IQCK: variants seen among roughly 807,000 people sequenced by gnomAD.
The protein encoded by IQCK is IQ motif containing K, also known as IQ domain-containing protein K.
IQCK carries 29 observed loss-of-function variants against 28.1 expected under a neutral mutation model. That is an observed-to-expected ratio of 1.03 (90% CI 0.77 to 1.41). IQCK has a LOEUF of 1.41. Ranked by LOEUF, IQCK falls within the 40% of genes most tolerant of loss-of-function variation. IQCK has a pLI of 0.00. For synonymous variants in IQCK, 113 were observed against 115.1 expected (o/e 0.98, Z 0.12); for missense variants, 359 against 314.7 (o/e 1.14, Z -1.07).
chr16:19,853,838 G>C (rs1597616163), intron 9 of IQCK, among the ~76,000 whole-genome samples: 1 of 152,200 alleles, frequency 6.6e-6, no homozygotes, highest in East Asian at 1.9e-4. Context: ...ATGTTGGCCA[G>C]GCTGGTCTCG....
intron 4 of IQCK, among the ~76,000 whole-genome samples, chr16:19,738,087 C>A (rs1358313211): frequency 2.6e-5 from 4 of 152,124 alleles, no homozygotes; most frequent in Non-Finnish European, 5.9e-5. Context: ...TGTCTGTCTC[C>A]CCCTGTATTT....
At chr16:19,798,510 T>A (rs2055718600) in intron 7 of IQCK, among the ~76,000 whole-genome samples, 1 of 92,194 alleles carries the variant, frequency 1.1e-5, no homozygotes, top group Non-Finnish European at 1.7e-5. Context: ...GCAGACTTTT[T>A]ATTACTGGCA....
chr16:19,750,697 A>G (rs1597518178), intron 4 of IQCK, among the ~76,000 whole-genome samples: 1 of 151,974 alleles, frequency 6.6e-6, no homozygotes, highest in Non-Finnish European at 1.5e-5. Context: ...CCTGACCTCA[A>G]GTGATCCATC....
At chr16:19,842,561 C>A (rs1433864305) in intron 9 of IQCK, among the ~76,000 whole-genome samples, 4 of 152,128 alleles carry the variant, frequency 2.6e-5, no homozygotes, top group Non-Finnish European at 4.4e-5. Context: ...AAATCCTTTT[C>A]AAAAATAAAT....
In IQCK at chr16:19,745,456, G is replaced by A. The variant is rs551512242; in HGVS notation, c.474+10006G>A. On this transcript the variant is annotated intron_variant, in intron 4 of 7. Transcript: ENST00000564186. The stretch of plus-strand genomic sequence containing the variant: ...AGTTTGACAGGGTCAGCCCCGCAGC[G>A]GCCGTAACATCACATGGGCCAGTAA... Among the ~76,000 whole-genome samples the A allele has an allele frequency of 9.9e-5, 15 of 152,228 alleles. No individual in the cohort carries two copies. In the South Asian group the frequency reaches 2.5e-3, roughly 25 times the overall value.
intron 7 of IQCK, among the ~76,000 whole-genome samples, chr16:19,804,470 C>T (rs1055718974): frequency 2.0e-5 from 3 of 151,864 alleles, no homozygotes; most frequent in African/African-American, 7.3e-5. Context: ...CAGGGTCTCA[C>T]TTTGTCACCT....
At chr16:19,786,814 AAGGG>A (rs72125947) in intron 6 of IQCK, among the ~76,000 whole-genome samples, 61 of 81,068 alleles carry the variant, frequency 7.5e-4, no homozygotes, top group African/African-American at 2.9e-3. Context: ...AGAGAGAGAG[AAGGG>A]AGGGAGGGAG....
intron 4 of IQCK, chr16:19,761,144 G>T: frequency 3.4e-6 from 1 of 293,434 alleles, no homozygotes; most frequent in South Asian, 3.1e-5. Flanking sequence ...TTAACCGTCT[G>T]GGAATGCAGC....
At chr16:19,730,584 T>G in intron 2 of IQCK, 90 bp downstream of exon 2, 1 of 1,022,532 alleles carries the variant, frequency 9.8e-7, no homozygotes, top group Non-Finnish European at 1.4e-6. Flanking sequence ...TGTCACTGAG[T>G]TCAGGAGGTG....
At chr16:19,848,109 T>G (rs1297398779) in intron 9 of IQCK, among the ~76,000 whole-genome samples, 2 of 152,254 alleles carry the variant, frequency 1.3e-5, no homozygotes, top group Admixed American at 1.3e-4. Context: ...TGTACCATTT[T>G]ACATCCCCAT....
At chr16:19,747,352 G>A (rs2054924783) in intron 4 of IQCK, among the ~76,000 whole-genome samples, 1 of 152,116 alleles carries the variant, frequency 6.6e-6, no homozygotes, top group Admixed American at 6.5e-5. Context: ...AGCCAGGCAG[G>A]GTTGCTTCAA....
chr16:19,724,943 C>A (rs1047847663), intron 1 of IQCK, among the ~76,000 whole-genome samples: 2 of 152,114 alleles, frequency 1.3e-5, no homozygotes, highest in African/African-American at 4.8e-5. Context: ...TTCTCACATC[C>A]CAGAAGTTGA....
chr16:19,855,390 G>C (rs1420287429), intron 9 of IQCK, among the ~76,000 whole-genome samples: 1 of 152,090 alleles, frequency 6.6e-6, no homozygotes, highest in African/African-American at 2.4e-5. Flanking sequence ...CTGGGAGTTC[G>C]AGACCAGCCT....
exon 2 of IQCK, chr16:19,730,451 C>A (rs147464229): frequency 6.2e-7 from 1 of 1,609,064 alleles, no homozygotes; most frequent in Middle Eastern, 1.7e-4. Flanking sequence ...GAGCAGCCTC[C>A]CTTTCCAGAA....
rs553890964 is a variant in IQCK at position 19,721,702 on chromosome 16, C to A, written c.181+3215C>A. On this transcript the variant is annotated intron_variant, in intron 1 of 7. Transcript: ENST00000564186. ...CCAGATTCAAGCAATTCTCCTGCTT[C>A]AGCCTCCCAAATAGCTGGGATTACA... Among the ~76,000 whole-genome samples, 5 of 151,876 alleles carry A rather than the reference C, an allele frequency of 3.3e-5. No individual in the cohort carries two copies. In the East Asian group the frequency reaches 7.8e-4, roughly 24 times the overall value.
At chr16:19,778,849 A>G (rs1314003226) in intron 6 of IQCK, among the ~76,000 whole-genome samples, 1 of 152,124 alleles carries the variant, frequency 6.6e-6, no homozygotes, top group Non-Finnish European at 1.5e-5. Flanking sequence ...GACCTTGTAA[A>G]TATATATGTT....
chr16:19,756,467 A>G (rs1396686427), intron 4 of IQCK, among the ~76,000 whole-genome samples: 2 of 152,214 alleles, frequency 1.3e-5, no homozygotes, highest in African/African-American at 2.4e-5. Context: ...CTGAATGTCT[A>G]TATCTTCCCC....
intron 4 of IQCK, chr16:19,736,300 G>A (rs1978013007): frequency 2.6e-6 from 1 of 388,074 alleles, no homozygotes; most frequent in East Asian, 7.3e-5. Context: ...GTCTTGCTCT[G>A]TTTTCAGGCT....
chr16:19,740,978 A>G (rs904287658), intron 4 of IQCK, among the ~76,000 whole-genome samples: 2 of 151,602 alleles, frequency 1.3e-5, no homozygotes, highest in African/African-American at 2.4e-5. Flanking sequence ...AAAAAAAAAA[A>G]AAAAAGAATA....
Sources: allele counts gnomAD v4.1 joint callset (sites outside exome capture counted in the v4.1 genomes callset), GRCh38; gene constraint gnomAD v4.1.1; transcripts MANE v1.5; gene names NCBI Gene and HGNC (gene_info 2026-07-23, HGNC 2026-07-21).